FBXO11: variants seen among roughly 807,000 people sequenced by gnomAD.
FBXO11 encodes F-box protein 11.
A neutral mutation model predicts 117.0 loss-of-function variants in FBXO11; 13 were observed. The ratio of observed to expected loss-of-function variants is 0.11; its 90% CI spans 0.07 to 0.18. FBXO11 has a LOEUF of 0.18. Among genes scored for constraint, FBXO11 ranks in the 10% least tolerant of loss-of-function variants. The pLI is 1.00. For missense variants in FBXO11, 767 were observed against 1,164.4 expected, an observed-to-expected ratio of 0.66 and a Z score of 4.97; for synonymous variants, 490 against 380.5, an observed-to-expected ratio of 1.29 and a Z score of -3.35.
chr2:47,875,496 GTCTTTT>G (rs1289984439), intron 1 of FBXO11, among the ~76,000 whole-genome samples: 1 of 98,132 alleles, frequency 1.0e-5, no homozygotes, highest in Non-Finnish European at 2.0e-5. Context: ...TTCTTTTTTT[GTCTTTT>G]TTTTTTTTAG....
At chr2:47,815,276 C>G (rs1042104266) in intron 16 of FBXO11, among the ~76,000 whole-genome samples, 2 of 152,214 alleles carry the variant, frequency 1.3e-5, no homozygotes, top group African/African-American at 2.4e-5. Flanking sequence ...GGAAACCCAG[C>G]AAAGCCGCTC....
At chr2:47,811,531 T>G (rs1670613088) in intron 18 of FBXO11, 1 of 152,270 alleles carries the variant, frequency 6.6e-6, no homozygotes, top group African/African-American at 2.4e-5. Flanking sequence ...TTGCTAATTC[T>G]TTAATCTATT....
chr2:47,903,648 A>C (rs1467564406), intron 1 of FBXO11, among the ~76,000 whole-genome samples: 3 of 152,222 alleles, frequency 2.0e-5, no homozygotes, highest in Non-Finnish European at 4.4e-5. Context: ...CAAGGAGACT[A>C]AATTGTTTGA....
chr2:47,855,687 C>G (rs1397429731), intron 1 of FBXO11, among the ~76,000 whole-genome samples: 3 of 152,052 alleles, frequency 2.0e-5, no homozygotes, highest in Admixed American at 2.0e-4. Context: ...ACAAAATCAG[C>G]CAGGCATGGT....
At chr2:47,901,233 GGATTA>G (rs1018845425) in intron 1 of FBXO11, among the ~76,000 whole-genome samples, 2 of 148,902 alleles carry the variant, frequency 1.3e-5, no homozygotes, top group Non-Finnish European at 3.0e-5. Context: ...CACAAATATG[GGATTA>G]GAGAGACTAG....
At chr2:47,881,080 C>T (rs975454638) in intron 1 of FBXO11, among the ~76,000 whole-genome samples, 2 of 152,076 alleles carry the variant, frequency 1.3e-5, no homozygotes, top group African/African-American at 2.4e-5. Flanking sequence ...TGGTGAAACC[C>T]GTCTCTACTA....
chr2:47,875,049 G>C (rs531262054), intron 1 of FBXO11, among the ~76,000 whole-genome samples: 62 of 151,958 alleles, frequency 4.1e-4, no homozygotes, highest in Non-Finnish European at 7.8e-4. Context: ...ATCAAAGTCT[G>C]ACTTCATTTA....
chr2:47,809,465 T>G, intron 20 of FBXO11, 135 bp downstream of exon 20: 1 of 728,736 alleles, frequency 1.4e-6, no homozygotes, highest in Non-Finnish European at 2.2e-6. Flanking sequence ...GAACCAAAGC[T>G]CTGTTTCTTT....
chr2:47,894,789 A>C (rs891102272), intron 1 of FBXO11, among the ~76,000 whole-genome samples: 1 of 152,200 alleles, frequency 6.6e-6, no homozygotes, highest in Non-Finnish European at 1.5e-5. Flanking sequence ...TTTAGCACAA[A>C]AACAATGTTT....
chr2:47,840,339 G>A (rs182735830), intron 1 of FBXO11, among the ~76,000 whole-genome samples: 1 of 152,056 alleles, frequency 6.6e-6, no homozygotes, highest in East Asian at 1.9e-4. Context: ...ACCATATATG[G>A]TGAAGGCAGC....
intron 1 of FBXO11, among the ~76,000 whole-genome samples, chr2:47,848,556 G>A (rs1331957628): frequency 2.0e-5 from 3 of 152,014 alleles, no homozygotes; most frequent in Non-Finnish European, 4.4e-5. Flanking sequence ...AAGTTAATAC[G>A]CAATTTAAAA....
chr2:47,810,471 G>GACTACTA, intron 18 of FBXO11, 45 bp from the exon 19 acceptor site: 1 of 1,212,720 alleles, frequency 8.2e-7, no homozygotes, highest in Non-Finnish European at 1.2e-6. Context: ...GCATATAACA[G>GACTACTA]ACTACTAACC....
intron 11 of FBXO11, among the ~76,000 whole-genome samples, chr2:47,829,933 A>G (rs1276778685): frequency 6.6e-6 from 1 of 152,170 alleles, no homozygotes; most frequent in Non-Finnish European, 1.5e-5. Flanking sequence ...CGTTAGAAAT[A>G]TTTCATTAAA....
At chr2:47,840,974 G>A (rs543912281) in intron 1 of FBXO11, among the ~76,000 whole-genome samples, 36 of 152,190 alleles carry the variant, frequency 2.4e-4, no homozygotes, top group Admixed American at 6.5e-4. Context: ...CAAGGTGGGC[G>A]GATCACGAGG....
In FBXO11 at chr2:47,905,477, G is replaced by C; in HGVS notation, c.232+12C>G. 2 of 1,225,434 alleles carry C rather than the reference G, an allele frequency of 1.6e-6. No individual in the cohort carries two copies. Among genetic ancestry groups the C allele is most frequent in the Non-Finnish European group, 2.0e-6 (2 of 983,798 alleles). The allele number at this position is 1,225,434 out of a possible 1,614,324, so 75.9% of individuals were successfully genotyped here. A position where few individuals can be genotyped will look rare whatever the true frequency, so the allele number is the denominator to read the frequency against. On this transcript the variant is annotated intron_variant, in intron 1 of 22. Coordinates refer to ENST00000403359, the MANE Select transcript of FBXO11 (RefSeq NM_001190274.2). ...CGGGAAGGCGGGCGGTTGGGAGGTA[G>C]CGCGGCCTTACCCCGCTCGCCGACG...
At chr2:47,847,728 G>A (rs1365480612) in intron 1 of FBXO11, among the ~76,000 whole-genome samples, 1 of 150,176 alleles carries the variant, frequency 6.7e-6, no homozygotes, top group Non-Finnish European at 1.5e-5. Context: ...ACAAAATATG[G>A]TATCATAATT....
chr2:47,844,379 T>A lies in FBXO11; in HGVS notation c.233-4610A>T, dbSNP rs1239207458. 2.6e-5 allele frequency among the ~76,000 whole-genome samples: 4 copies of A among 152,324 alleles called. No individual in the cohort carries two copies. In the East Asian group the frequency reaches 7.7e-4, roughly 29 times the overall value. The stretch of plus-strand genomic sequence containing the variant: ...TAATTAGGGAAGTTATTTCAGGCTC[T>A]AGGCCACATGCCTGGGTCTTTGTTT... On this transcript the variant is annotated intron_variant, in intron 1 of 22. Coordinates refer to ENST00000403359, the MANE Select transcript of FBXO11 (RefSeq NM_001190274.2).
intron 1 of FBXO11, among the ~76,000 whole-genome samples, chr2:47,854,863 GT>G (rs62781561): frequency 0.86 from 122,695 of 143,246 alleles, 52,772 homozygotes; most frequent in East Asian, 0.98. Flanking sequence ...TTTTTTTTTT[GT>G]TTTTTTTTTT....
rs536251505 is a variant in FBXO11 at position 47,898,704 on chromosome 2, T to G, written c.232+6785A>C. Among the ~76,000 whole-genome samples, 227 of 152,150 alleles carry G rather than the reference T, an allele frequency of 1.5e-3. 1 individual carries two copies. The highest frequency in any genetic ancestry group is 5.1e-3 in the African/African-American group (213 of 41,512). ...AATGTGAAACCAGATAAGTCAACAA[T>G]CAATAGCATCAGACTAGTGCAGCCA... On this transcript the variant is annotated intron_variant, in intron 1 of 22. Coordinates refer to ENST00000403359, the MANE Select transcript of FBXO11 (RefSeq NM_001190274.2).
Sources: allele counts gnomAD v4.1 joint callset (sites outside exome capture counted in the v4.1 genomes callset), GRCh38; gene constraint gnomAD v4.1.1; transcripts MANE v1.5; gene names NCBI Gene and HGNC (gene_info 2026-07-23, HGNC 2026-07-21).